FAM107B: variants seen among roughly 807,000 people sequenced by gnomAD.
FAM107B encodes protein FAM107B.
FAM107B carries 21 observed loss-of-function variants against 31.5 expected under a neutral mutation model. The observed-to-expected ratio is 0.67, with a 90% CI of 0.47 to 0.96. FAM107B has a LOEUF of 0.96. Ranked by LOEUF, FAM107B falls within the 40% of genes least tolerant of loss-of-function variation. The pLI, the probability that FAM107B is intolerant of heterozygous loss-of-function variation, is 0.00. For missense variants in FAM107B, 452 were observed against 377.1 expected (o/e 1.20, Z -1.64); for synonymous variants, 157 against 141.5 (o/e 1.11, Z -0.78).
rs1490063516 is a variant in FAM107B, at chr10:14,518,703, G to C, written c.*2487C>G. The C allele has an allele frequency of 6.6e-6, 1 of 152,570 alleles. No individual in the cohort carries two copies. The highest frequency in any genetic ancestry group is 6.5e-5 in the Admixed American group (1 of 15,274). 9.5% of individuals were successfully genotyped at this position (152,570 alleles called of 1,614,324 possible). A position where few individuals can be genotyped will look rare whatever the true frequency, so the allele number is the denominator to read the frequency against. On this transcript the variant is annotated 3_prime_UTR_variant, in exon 5 of 5. Transcript: ENST00000181796. ...TAAATTATGAAAACCAATCCATTAAGGCTCCCTTTATATATATTATATACA... is the reference window on the plus strand; with the variant it reads ...TAAATTATGAAAACCAATCCATTAACGCTCCCTTTATATATATTATATACA...
chr10:14,600,100 T>C (rs564092069), intron 2 of FAM107B, among the ~76,000 whole-genome samples: 1 of 152,310 alleles, frequency 6.6e-6, no homozygotes, highest in African/African-American at 2.4e-5. Flanking sequence ...CTTCTCACTC[T>C]TTCCCCACAA....
chr10:14,767,148 G>A (rs973439802), intron 1 of FAM107B, among the ~76,000 whole-genome samples: 2 of 142,982 alleles, frequency 1.4e-5, no homozygotes, highest in South Asian at 2.3e-4. Context: ...AGGCTGGAGC[G>A]CAGTGCCACA....
At chr10:14,551,673 C>A (rs949348584) in intron 2 of FAM107B, among the ~76,000 whole-genome samples, 2 of 133,948 alleles carry the variant, frequency 1.5e-5, no homozygotes, top group Admixed American at 1.5e-4. Flanking sequence ...TTTCCACTTA[C>A]AAAATGTATT....
chr10:14,526,407 C>A (rs1409239840), intron 3 of FAM107B, among the ~76,000 whole-genome samples: 1 of 152,192 alleles, frequency 6.6e-6, no homozygotes, highest in Non-Finnish European at 1.5e-5. Flanking sequence ...AACTCCTGAC[C>A]TCAGGTGATC....
At chr10:14,532,096 A>G (rs12264348) in intron 2 of FAM107B, among the ~76,000 whole-genome samples, 1,574 of 152,308 alleles carry the variant, frequency 0.01, 22 homozygotes, top group African/African-American at 0.036. Flanking sequence ...TGCTACAAAC[A>G]TATCAATGCT....
At chr10:14,574,738 T>C (rs1303953568) in intron 2 of FAM107B, among the ~76,000 whole-genome samples, 1 of 152,226 alleles carries the variant, frequency 6.6e-6, no homozygotes, top group Admixed American at 6.5e-5. Context: ...AATTACTTGA[T>C]TTTTTAATAA....
At chr10:14,742,503 G>A (rs767081012) in intron 1 of FAM107B, among the ~76,000 whole-genome samples, 1 of 152,154 alleles carries the variant, frequency 6.6e-6, no homozygotes, top group Non-Finnish European at 1.5e-5. Flanking sequence ...AGCAATCACT[G>A]TCTGTTTGTT....
At position 14,521,039 on chromosome 10, in the gene FAM107B, C is replaced by T. The variant is rs1457317459; in HGVS notation, c.*151G>A. 4.5e-6 allele frequency: 3 copies of T among 668,182 alleles called. No individual in the cohort carries two copies. Among genetic ancestry groups the T allele is most frequent in the Non-Finnish European group, 7.8e-6 (3 of 382,944 alleles). 41.4% of individuals were successfully genotyped at this position (668,182 alleles called of 1,614,324 possible). ...GCAACTGTCACAGGCAAGGCATCCA[C>T]CCAGATCGTAGGAAAATCAAACCAA... is the stretch of plus-strand genomic sequence containing the variant. On this transcript the variant is annotated 3_prime_UTR_variant, in exon 5 of 5. Transcript: ENST00000181796.
At chr10:14,628,728 T>G (rs567193012) in intron 2 of FAM107B, among the ~76,000 whole-genome samples, 2 of 152,204 alleles carry the variant, frequency 1.3e-5, no homozygotes, top group South Asian at 4.1e-4. Context: ...TTTAAATGTT[T>G]GTATTGTATA....
rs1276745297 is a variant in FAM107B at position 14,685,157 on chromosome 10, T to A, written c.412-17466A>T. On this transcript the variant is annotated intron_variant, in intron 1 of 4. Coordinates refer to ENST00000181796, the MANE Select transcript of FAM107B (RefSeq NM_031453.4). ...ACATCCTTTTATTTTTTTTTTTTTT[T>A]TTTTTTTTTGAGACAGGTTCTTGCT... 4.8e-4 allele frequency among the ~76,000 whole-genome samples: 72 copies of A among 149,748 alleles called. 2 individuals are homozygous for A. The highest frequency in any genetic ancestry group is 3.4e-3 in the Middle Eastern group (1 of 292).
At chr10:14,532,887 G>A (rs1216953518) in intron 2 of FAM107B, among the ~76,000 whole-genome samples, 2 of 152,212 alleles carry the variant, frequency 1.3e-5, no homozygotes, top group African/African-American at 4.8e-5. Flanking sequence ...AGGAGCTGGA[G>A]GGAATGTGAC....
intron 1 of FAM107B, among the ~76,000 whole-genome samples, chr10:14,735,123 G>A (rs184833622): frequency 4.6e-5 from 7 of 152,254 alleles, no homozygotes; most frequent in East Asian, 3.9e-4. Context: ...CCATTCCAGC[G>A]GATAAAATAA....
At position 14,521,858 on chromosome 10, in the gene FAM107B, A is replaced by G; in HGVS notation, c.804+11T>C. The G allele has an allele frequency of 6.2e-7, 1 of 1,608,332 alleles. No individual in the cohort carries two copies. The highest frequency in any genetic ancestry group is 2.2e-5 in the East Asian group (1 of 44,866). On this transcript the variant is annotated intron_variant, in intron 4 of 4. Coordinates refer to ENST00000181796, the MANE Select transcript of FAM107B (RefSeq NM_031453.4). Reference sequence around the variant, plus strand: ...AACAAAAAAAGACAGCTTCCAGCCAATCCCCCTTACCTGCTCCAACTTCTG... The same window carrying G: ...AACAAAAAAAGACAGCTTCCAGCCAGTCCCCCTTACCTGCTCCAACTTCTG...
intron 1 of FAM107B, among the ~76,000 whole-genome samples, chr10:14,769,127 T>A (rs1177544000): frequency 6.6e-6 from 1 of 152,214 alleles, no homozygotes; most frequent in Non-Finnish European, 1.5e-5. Flanking sequence ...GACCCTGCTG[T>A]ATCCAGCAAC....
At chr10:14,622,654 C>T (rs1174824207) in intron 2 of FAM107B, among the ~76,000 whole-genome samples, 2 of 152,108 alleles carry the variant, frequency 1.3e-5, no homozygotes, top group Non-Finnish European at 1.5e-5. Flanking sequence ...ATCTAAGCAG[C>T]ACATTAAAGC....
intron 2 of FAM107B, among the ~76,000 whole-genome samples, chr10:14,536,923 C>T (rs893425505): frequency 6.6e-6 from 1 of 152,138 alleles, no homozygotes; most frequent in Admixed American, 6.5e-5. Context: ...AACTCATTTT[C>T]TCATCAGTTT....
intron 1 of FAM107B, among the ~76,000 whole-genome samples, chr10:14,751,617 T>A (rs1832829175): frequency 6.6e-6 from 1 of 151,742 alleles, no homozygotes; most frequent in Admixed American, 6.6e-5. Flanking sequence ...ATCCTCCAAC[T>A]CAGCTTCCCA....
chr10:14,648,215 C>T (rs1057305376), intron 2 of FAM107B, among the ~76,000 whole-genome samples: 9 of 152,178 alleles, frequency 5.9e-5, no homozygotes, highest in Non-Finnish European at 1.3e-4. Flanking sequence ...CCCCAGGCCT[C>T]ACAAGGAAGC....
At position 14,632,398 on chromosome 10, in the gene FAM107B, T is replaced by C. The variant is rs556065084; in HGVS notation, c.469+35236A>G. 5.5e-5 allele frequency among the ~76,000 whole-genome samples: 8 copies of C among 145,506 alleles called. No homozygotes were observed. The East Asian group carries it at 1.6e-3, about 30-fold the overall frequency. The stretch of plus-strand genomic sequence containing the variant: ...AGGCCAAGGTGGGCAGATCATGAGG[T>C]CAGGAGATCGAGACCATCCTGATTA... On this transcript the variant is annotated intron_variant, in intron 2 of 4. Transcript: ENST00000181796.
Sources: allele counts gnomAD v4.1 joint callset (sites outside exome capture counted in the v4.1 genomes callset), GRCh38; gene constraint gnomAD v4.1.1; transcripts MANE v1.5; gene names NCBI Gene and HGNC (gene_info 2026-07-23, HGNC 2026-07-21).